SYN2: variants seen among roughly 807,000 people sequenced by gnomAD.
SYN2 encodes the protein synapsin-2.
SYN2 carries 19 observed loss-of-function variants against 50.9 expected under a neutral mutation model. The ratio of observed to expected loss-of-function variants is 0.37; its 90% CI spans 0.26 to 0.55. The LOEUF is 0.55. Among genes scored for constraint, SYN2 ranks in the 20% least tolerant of loss-of-function variants. The pLI is 0.81. For missense variants in SYN2, 587 were observed against 576.4 expected (o/e 1.02, Z -0.19); for synonymous variants, 255 against 224.9 (o/e 1.13, Z -1.20).
chr3:12,063,886 G>A (rs577944407), intron 1 of SYN2, among the ~76,000 whole-genome samples: 37 of 152,146 alleles, frequency 2.4e-4, no homozygotes, highest in Middle Eastern at 3.4e-3. Flanking sequence ...TCCAATTTAT[G>A]TAGATATTCT....
chr3:12,157,259 A>T, intron 5 of SYN2: 1 of 837,178 alleles, frequency 1.2e-6, no homozygotes. Context: ...ATCCAGTTCC[A>T]CTTCAGTATC....
Position 12,073,173 on chromosome 3 carries a change from C to T in SYN2, c.378-67478C>T, listed in dbSNP as rs531289735. Among the ~76,000 whole-genome samples, 7 of 152,264 alleles carry T rather than the reference C, an allele frequency of 4.6e-5. No homozygotes were observed. In the South Asian group the frequency reaches 1.5e-3, roughly 32 times the overall value. On this transcript the variant is annotated intron_variant, in intron 1 of 12. Transcript: ENST00000621198. ...GTTTTCCCTTAGTTCTACATGTTTT[C>T]AGTAAAGCATCTGCATCTTCAAAAG...
chr3:12,015,199 C>T (rs1239354809), intron 1 of SYN2, among the ~76,000 whole-genome samples: 3 of 152,216 alleles, frequency 2.0e-5, no homozygotes, highest in East Asian at 1.9e-4. Context: ...GTTGTTGCAT[C>T]GTCTAGCATC....
chr3:12,064,232 T>A (rs1695166021), intron 1 of SYN2, among the ~76,000 whole-genome samples: 1 of 151,852 alleles, frequency 6.6e-6, no homozygotes, highest in Admixed American at 6.6e-5. Flanking sequence ...GTCAAAATTA[T>A]CAAAAACATG....
At position 12,156,948 on chromosome 3, in the gene SYN2, A is replaced by G. The variant is rs936069341; in HGVS notation, c.775-4598A>G. ...CCCTTTGAACATCTGACAGGCAATT[A>G]CAAAAAAAGGCAATATTGGGTCAGT... On this transcript the variant is annotated intron_variant, in intron 5 of 12. Transcript: ENST00000621198. 2.9e-5 allele frequency: 47 copies of G among 1,599,094 alleles called. 1 individual carries two copies. The Admixed American group carries it at 7.8e-4, about 27-fold the overall frequency.
intron 1 of SYN2, among the ~76,000 whole-genome samples, chr3:12,058,688 G>T (rs1351300000): frequency 6.6e-6 from 1 of 152,208 alleles, no homozygotes; most frequent in Non-Finnish European, 1.5e-5. Context: ...GAAAAACCCA[G>T]AAAGGGAGCA....
rs746548805 is a variant in SYN2, at chr3:12,169,778, C to T, written c.1180C>T (p.Leu394=). The T allele has an allele frequency of 1.8e-5, 29 of 1,613,882 alleles. No homozygotes were observed. The highest frequency in any genetic ancestry group is 2.2e-5 in the South Asian group (2 of 91,088). The change falls in exon 10 of 13, where the codon CTG becomes TTG. Residue 394 remains leucine, a synonymous_variant. Coordinates refer to ENST00000621198, the MANE Select transcript of SYN2 (RefSeq NM_133625.6). ...IFEVMDCSMP[L]IGEHQVEDRQ... is the part of the protein sequence containing the mutation. ...CCAGGTCATGGACTGTAGCATGCCACTGATTGGGGAACATCAGGTGGAGGA... is the reference window on the plus strand; with the variant it reads ...CCAGGTCATGGACTGTAGCATGCCATTGATTGGGGAACATCAGGTGGAGGA...
chr3:12,159,679 A>G (rs906480548), intron 5 of SYN2, among the ~76,000 whole-genome samples: 2 of 152,136 alleles, frequency 1.3e-5, no homozygotes, highest in African/African-American at 2.4e-5. Context: ...CCTAGACTAC[A>G]TTGATTTTTA....
At chr3:12,022,734 GAC>G (rs1435090005) in intron 1 of SYN2, among the ~76,000 whole-genome samples, 6 of 151,602 alleles carry the variant, frequency 4.0e-5, no homozygotes, top group Non-Finnish European at 8.8e-5. Context: ...TTTTTGTAGA[GAC>G]AGAGTCTTGT....
At chr3:12,157,408 G>T (rs750080317) in intron 5 of SYN2, 1 of 1,614,116 alleles carries the variant, frequency 6.2e-7, no homozygotes, top group East Asian at 2.2e-5. Context: ...ATTTCATACC[G>T]GAGCATTTTT....
chr3:12,021,332 G>A (rs1362231197), intron 1 of SYN2, among the ~76,000 whole-genome samples: 2 of 152,000 alleles, frequency 1.3e-5, no homozygotes, highest in Non-Finnish European at 2.9e-5. Context: ...TATTATATTT[G>A]CAGTCTATCA....
At chr3:12,188,639 A>G (rs1698391251) in intron 12 of SYN2, among the ~76,000 whole-genome samples, 3 of 151,612 alleles carry the variant, frequency 2.0e-5, no homozygotes, top group South Asian at 2.1e-4. Flanking sequence ...AAGCCGAGCT[A>G]CTCCTCTAAT....
chr3:12,182,196 A>G (rs184907888), intron 10 of SYN2, among the ~76,000 whole-genome samples: 2 of 152,270 alleles, frequency 1.3e-5, no homozygotes, highest in South Asian at 2.1e-4. Flanking sequence ...TGTCCAAGGG[A>G]AATGGGGAGC....
chr3:12,020,939 A>G (rs1485952936), intron 1 of SYN2, among the ~76,000 whole-genome samples: 6 of 152,216 alleles, frequency 3.9e-5, no homozygotes, highest in Non-Finnish European at 5.9e-5. Flanking sequence ...CATTTATCTC[A>G]TAATTTTACC....
intron 1 of SYN2, among the ~76,000 whole-genome samples, chr3:12,056,745 A>G (rs1350280597): frequency 6.6e-6 from 1 of 152,066 alleles, no homozygotes; most frequent in African/African-American, 2.4e-5. Context: ...CAGACTTTCT[A>G]CTTCCCTCAT....
chr3:12,053,147 G>A (rs1694904757), intron 1 of SYN2, among the ~76,000 whole-genome samples: 1 of 152,170 alleles, frequency 6.6e-6, no homozygotes, highest in Admixed American at 6.5e-5. Flanking sequence ...ATCCGGCCAG[G>A]CACGGTGGCT....
At chr3:12,047,089 G>A (rs1406137973) in intron 1 of SYN2, among the ~76,000 whole-genome samples, 2 of 152,096 alleles carry the variant, frequency 1.3e-5, no homozygotes, top group Non-Finnish European at 2.9e-5. Flanking sequence ...GTATTTCATT[G>A]TATATATTAA....
intron 1 of SYN2, among the ~76,000 whole-genome samples, chr3:12,063,367 T>G (rs1695151977): frequency 6.6e-6 from 1 of 151,926 alleles, no homozygotes; most frequent in South Asian, 2.1e-4. Context: ...ATGAGTAGAG[T>G]CTGTAAGATT....
At chr3:12,155,465 T>C (rs1697427722) in intron 5 of SYN2, among the ~76,000 whole-genome samples, 1 of 152,220 alleles carries the variant, frequency 6.6e-6, no homozygotes, top group South Asian at 2.1e-4. Context: ...GGGAAGGGCT[T>C]CCTGTCATTG....
Sources: allele counts gnomAD v4.1 joint callset (sites outside exome capture counted in the v4.1 genomes callset), GRCh38; gene constraint gnomAD v4.1.1; transcripts MANE v1.5; gene names NCBI Gene and HGNC (gene_info 2026-07-23, HGNC 2026-07-21).